Variants in ORMDL1 observed in about 807,000 individuals in gnomAD.
ORMDL1 encodes ORM1-like protein 1.
A neutral mutation model predicts 13.0 loss-of-function variants in ORMDL1; 10 were observed. The ratio of observed to expected loss-of-function variants is 0.77; its 90% CI spans 0.47 to 1.30. ORMDL1 has a LOEUF of 1.30. Among genes scored for constraint, ORMDL1 ranks in the 50% most tolerant of loss-of-function variants. The pLI, the probability that ORMDL1 is intolerant of heterozygous loss-of-function variation, is 0.00. For missense variants in ORMDL1, 171 were observed against 186.7 expected, an observed-to-expected ratio of 0.92 and a Z score of 0.49; for synonymous variants, 61 against 63.9, an observed-to-expected ratio of 0.95 and a Z score of 0.22.
chr2:189,777,924 G>A (rs779425545), intron 3 of ORMDL1, among the ~76,000 whole-genome samples: 13 of 152,194 alleles, frequency 8.5e-5, no homozygotes, highest in Admixed American at 3.3e-4. Context: ...TTGGTTTAAT[G>A]TGGCTATATT....
chr2:189,777,098 T>G (rs1185736074), intron 3 of ORMDL1, among the ~76,000 whole-genome samples: 1 of 152,214 alleles, frequency 6.6e-6, no homozygotes. Context: ...TAGTAATAAT[T>G]AATCTCCTCT....
In ORMDL1 at chr2:189,784,311, C is replaced by G. The variant is rs1574980561; in HGVS notation, c.-160G>C. On this transcript the variant is annotated 5_prime_UTR_variant, in exon 1 of 5. Transcript: ENST00000392349. The stretch of plus-strand genomic sequence containing the variant: ...GCCGCCGGCTCGCAGCAGGACCAGC[C>G]CGGCTGCTACGGCCGCGGATACACG... 1 of 152,418 alleles carries G rather than the reference C, an allele frequency of 6.6e-6. No individual in the cohort carries two copies. The highest frequency in any genetic ancestry group is 2.4e-5 in the African/African-American group (1 of 41,468). The allele number at this position is 152,418 out of a possible 1,614,324, so 9.4% of individuals were successfully genotyped here. A position where few individuals can be genotyped will look rare whatever the true frequency, so the allele number is the denominator to read the frequency against.
intron 4 of ORMDL1, chr2:189,775,336 G>A (rs10197551): frequency 0.015 from 6,147 of 415,574 alleles, 344 homozygotes; most frequent in African/African-American, 0.12. Flanking sequence ...TAAATGTCTA[G>A]GTGCACTGAT....
At chr2:189,781,282 G>A (rs1438567777) in intron 3 of ORMDL1, among the ~76,000 whole-genome samples, 1 of 152,006 alleles carries the variant, frequency 6.6e-6, no homozygotes, top group African/African-American at 2.4e-5. Flanking sequence ...AATGCTTTAA[G>A]TTCATTTTAA....
At chr2:189,770,115 C>T (rs758276033), downstream of ORMDL1, among the ~76,000 whole-genome samples, 22 of 151,878 alleles carry the variant, frequency 1.4e-4, no homozygotes, top group Admixed American at 1.3e-3. Flanking sequence ...AAAACATTGA[C>T]GGGAGAAAGC....
In ORMDL1 at chr2:189,775,653, C is replaced by G; in HGVS notation, c.238G>C (p.Ala80Pro). Residue 80 changes from alanine to proline, a missense_variant, in exon 4 of 5, where the codon GCA becomes CCA. By Grantham distance (27) the Ala-to-Pro change is conservative (BLOSUM62 -1). Transcript: ENST00000392349. Reference sequence around the variant, plus strand: ...TGTTCCCAATGAGTTAGGAGCCTTGCTTTACCCTGGTCAGGAGTTTCGAAA... The same window carrying G: ...TGTTCCCAATGAGTTAGGAGCCTTGGTTTACCCTGGTCAGGAGTTTCGAAA... Reference protein sequence around the residue: ...TPFETPDQGKARLLTHWEQLD... With the variant: ...TPFETPDQGKPRLLTHWEQLD... 2.6e-5 allele frequency: 42 copies of G among 1,613,970 alleles called. No individual in the cohort carries two copies. Among genetic ancestry groups the G allele is most frequent in the Non-Finnish European group, 3.5e-5 (41 of 1,179,890 alleles).
chr2:189,775,294 C>T (rs886499572), intron 4 of ORMDL1: 17 of 282,328 alleles, frequency 6.0e-5, no homozygotes, highest in African/African-American at 1.8e-4. Flanking sequence ...AACCTAAGGA[C>T]GGGAGCTGGA....
intron 3 of ORMDL1, among the ~76,000 whole-genome samples, chr2:189,775,945 T>C (rs1324679566): frequency 6.6e-6 from 1 of 152,170 alleles, no homozygotes; most frequent in Non-Finnish European, 1.5e-5. Flanking sequence ...CAACTGAAAG[T>C]AACCTGTTTG....
chr2:189,766,302 A>G (rs978617674), downstream of ORMDL1, among the ~76,000 whole-genome samples: 3 of 152,234 alleles, frequency 2.0e-5, no homozygotes, highest in African/African-American at 7.2e-5. Context: ...TAGAATTTAC[A>G]TAACAATTTA....
downstream of ORMDL1, among the ~76,000 whole-genome samples, chr2:189,768,112 A>C (rs10197331): frequency 0.59 from 89,909 of 152,142 alleles, 30,123 homozygotes; most frequent in South Asian, 0.76. Context: ...GTAAAATAAA[A>C]ATGTGATACA....
At chr2:189,782,225 A>C (rs2047861230) in intron 3 of ORMDL1, among the ~76,000 whole-genome samples, 197 bp downstream of exon 3, 1 of 152,118 alleles carries the variant, frequency 6.6e-6, no homozygotes, top group Non-Finnish European at 1.5e-5. Flanking sequence ...TTAAATGTAC[A>C]GTTGAGTGGT....
At chr2:189,784,071 C>CA (rs1198993771) in intron 1 of ORMDL1, 198 bp downstream of exon 1, 8 of 152,350 alleles carry the variant, frequency 5.3e-5, no homozygotes, top group African/African-American at 1.9e-4. Context: ...GGCCGCACGT[C>CA]ACGTCAGGAC....
chr2:189,783,830 AGCAGGTTT>A (rs1238041550), intron 1 of ORMDL1, among the ~76,000 whole-genome samples: 1 of 152,182 alleles, frequency 6.6e-6, no homozygotes, highest in African/African-American at 2.4e-5. Context: ...ACCTTTTCCC[AGCAGGTTT>A]GCCGCGCTGC....
chr2:189,766,715 C>T (rs913812924), downstream of ORMDL1, among the ~76,000 whole-genome samples: 9 of 101,142 alleles, frequency 8.9e-5, no homozygotes, highest in Non-Finnish European at 1.6e-4. Flanking sequence ...CAGAAGGAGA[C>T]TCCCGTCTCA....
rs182500428 is a variant in ORMDL1 at position 189,781,350 on chromosome 2, C to T, written c.174+1072G>A. Among the ~76,000 whole-genome samples, 178 of 152,258 alleles carry T rather than the reference C, an allele frequency of 1.2e-3. 1 individual carries two copies. Among genetic ancestry groups the T allele is most frequent in the African/African-American group, 3.9e-3 (160 of 41,554 alleles). ...GGATTCAATTAAAATCCTCAACTAA[C>T]TGTATTTCCTCCTTTTCACGTTACT... On this transcript the variant is annotated intron_variant, in intron 3 of 4. Coordinates refer to ENST00000392349, the MANE Select transcript of ORMDL1 (RefSeq NM_016467.5).
chr2:189,779,539 T>C (rs1043263250), intron 3 of ORMDL1, among the ~76,000 whole-genome samples: 2 of 152,242 alleles, frequency 1.3e-5, no homozygotes, highest in African/African-American at 2.4e-5. Flanking sequence ...TTAGAGATGG[T>C]TGAGACAAGG....
chr2:189,771,871 C>T lies in ORMDL1; in HGVS notation c.358G>A (p.Asp120Asn). 6.2e-7 allele frequency: 1 copy of T among 1,603,522 alleles called. No individual in the cohort carries two copies. Among genetic ancestry groups the T allele is most frequent in the Non-Finnish European group, 8.5e-7 (1 of 1,173,596 alleles). The stretch of plus-strand genomic sequence containing the variant: ...GTGTTTAGGATGAAGTGAGTTGGAT[C>T]ATACTTCGTATAGAAACTTGCCAGA... ...YFLASFYTKYDPTHFILNTAS... is the reference protein window; with the variant it reads ...YFLASFYTKYNPTHFILNTAS... Residue 120 changes from aspartate to asparagine, a missense_variant, in exon 5 of 5, where the codon GAT becomes AAT. Physicochemically the swap from Asp to Asn is conservative, Grantham distance 23. Transcript: ENST00000392349.
At chr2:189,782,985 T>G (rs2047909250) in intron 2 of ORMDL1, 29 bp downstream of exon 2, 1 of 167,380 alleles carries the variant, frequency 6.0e-6, no homozygotes, top group South Asian at 1.4e-4. Context: ...CATAATAAAT[T>G]TATATTAAAA....
chr2:189,781,846 A>T (rs192186285), intron 3 of ORMDL1, among the ~76,000 whole-genome samples: 2 of 152,334 alleles, frequency 1.3e-5, no homozygotes, highest in East Asian at 3.9e-4. Context: ...TATCTCAAAA[A>T]AGCTGTTAAA....
Sources: gnomAD v4.1 joint callset for allele counts (sites outside exome capture counted in the v4.1 genomes callset) on GRCh38, gnomAD v4.1.1 for gene constraint, MANE v1.5 for transcripts, NCBI Gene and HGNC (gene_info 2026-07-23, HGNC 2026-07-21) for gene names.